THSD4: variants seen among roughly 807,000 people sequenced by gnomAD.
The protein encoded by THSD4 is thrombospondin type 1 domain containing 4.
Under a neutral mutation model 119.0 loss-of-function variants are expected in THSD4, and 69 were observed. The observed-to-expected ratio is 0.58, with a 90% CI of 0.48 to 0.71. The LOEUF is 0.71. Ranked by LOEUF, THSD4 falls within the 30% of genes least tolerant of loss-of-function variation. The pLI, the probability that THSD4 is intolerant of heterozygous loss-of-function variation, is 0.00. For missense variants in THSD4, 1,393 were observed against 1,391.1 expected (o/e 1.00, Z -0.02); for synonymous variants, 524 against 540.4 (o/e 0.97, Z 0.42).
At chr15:71,683,456 C>T (rs1177472915) in intron 8 of THSD4, among the ~76,000 whole-genome samples, 6 of 151,966 alleles carry the variant, frequency 3.9e-5, no homozygotes, top group African/African-American at 9.7e-5. Flanking sequence ...AAAATTCTAC[C>T]GGGGAAACTG....
intron 7 of THSD4, among the ~76,000 whole-genome samples, chr15:71,631,778 T>C (rs1221096407): frequency 6.6e-6 from 1 of 152,184 alleles, no homozygotes; most frequent in African/African-American, 2.4e-5. Flanking sequence ...ACCATTTTCC[T>C]CTAGGATACA....
chr15:71,377,616 G>C (rs995626169), intron 6 of THSD4, among the ~76,000 whole-genome samples: 32 of 152,144 alleles, frequency 2.1e-4, no homozygotes, highest in Admixed American at 5.9e-4. Context: ...AGGAGAAAGA[G>C]GGCGGGCGTG....
intron 6 of THSD4, among the ~76,000 whole-genome samples, chr15:71,263,068 A>T: frequency 6.6e-6 from 1 of 151,770 alleles, no homozygotes; most frequent in East Asian, 1.9e-4. Flanking sequence ...TCACCCAGTT[A>T]TTCAGCTTAG....
chr15:71,447,086 T>C (rs1242553006), intron 7 of THSD4, among the ~76,000 whole-genome samples: 1 of 148,620 alleles, frequency 6.7e-6, no homozygotes, highest in East Asian at 2.0e-4. Flanking sequence ...AACAACAGTG[T>C]CCTCTGTTGC....
intron 7 of THSD4, among the ~76,000 whole-genome samples, chr15:71,471,474 T>A (rs2047579075): frequency 6.6e-6 from 1 of 152,042 alleles, no homozygotes; most frequent in African/African-American, 2.4e-5. Flanking sequence ...GTCTTAAGGA[T>A]ACAGTGTGCC....
chr15:71,770,481 C>T (rs2053802230), intron 16 of THSD4, among the ~76,000 whole-genome samples: 1 of 151,770 alleles, frequency 6.6e-6, no homozygotes, highest in African/African-American at 2.4e-5. Context: ...ATGGCGAAAC[C>T]CCGTCTCTAC....
At chr15:71,096,914 G>T (rs568356801), upstream of THSD4, 1 of 152,176 alleles carries the variant, frequency 6.6e-6, no homozygotes, top group African/African-American at 2.4e-5. Context: ...CCTGCTGATC[G>T]AGACCAGATA....
intron 7 of THSD4, among the ~76,000 whole-genome samples, chr15:71,571,008 G>A (rs998423851): frequency 2.0e-5 from 3 of 152,180 alleles, no homozygotes; most frequent in East Asian, 1.9e-4. Context: ...CCTGCTTGGG[G>A]CTAGGGTGTG....
At chr15:71,314,990 T>C (rs1389050771) in intron 6 of THSD4, among the ~76,000 whole-genome samples, 1 of 152,204 alleles carries the variant, frequency 6.6e-6, no homozygotes. Flanking sequence ...AGGCTCATAG[T>C]TAATTCAAGC....
rs186578446 is a variant in THSD4 at position 71,392,303 on chromosome 15, G to A, written c.1016-19384G>A. Among the ~76,000 whole-genome samples the A allele has an allele frequency of 4.6e-5, 7 of 152,290 alleles. No individual in the cohort carries two copies. In the East Asian group the frequency reaches 1.4e-3, roughly 29 times the overall value. ...GGCATCTAGTTTCACGGGAGAAGAGGTTAACTTTTATTGAGTGCCTGTGCT... is the reference window on the plus strand; with the variant it reads ...GGCATCTAGTTTCACGGGAGAAGAGATTAACTTTTATTGAGTGCCTGTGCT... On this transcript the variant is annotated intron_variant, in intron 6 of 17. Transcript: ENST00000261862.
At position 71,482,154 on chromosome 15, in the gene THSD4, A is replaced by AC. The variant is rs2047739621; in HGVS notation, c.1152+70332dup. Among the ~76,000 whole-genome samples the AC allele has an allele frequency of 5.3e-5, 8 of 152,356 alleles. No homozygotes were observed. In the South Asian group the frequency reaches 1.7e-3, roughly 32 times the overall value. ...ATCATAACAAGAAGTCTGAAGGTAG[A>AC]CAGTAACTACAGTTGATTCAGTGGC... On this transcript the variant is annotated intron_variant, in intron 7 of 17. Transcript: ENST00000261862.
In THSD4 at chr15:71,688,432, C is replaced by A. The variant is rs111702563; in HGVS notation, c.1357+27698C>A. 7.4e-3 allele frequency among the ~76,000 whole-genome samples: 1,124 copies of A among 152,226 alleles called. 13 individuals carry two copies. The highest frequency in any genetic ancestry group is 0.026 in the African/African-American group (1,072 of 41,530). ...TTGTGTCCTAATTTTTTAAGAGACT[C>A]CGTATTCCATTTGATTCATAAAAAT... On this transcript the variant is annotated intron_variant, in intron 8 of 17. Coordinates refer to ENST00000261862, the MANE Select transcript of THSD4 (RefSeq NM_024817.3).
chr15:71,737,282 T>C (rs184091454), intron 10 of THSD4, among the ~76,000 whole-genome samples: 5 of 152,242 alleles, frequency 3.3e-5, no homozygotes, highest in Non-Finnish European at 5.9e-5. Context: ...TCCAAAACCA[T>C]GGATCTATTT....
chr15:71,503,492 C>A (rs1208774108), intron 7 of THSD4, among the ~76,000 whole-genome samples: 1 of 152,208 alleles, frequency 6.6e-6, no homozygotes, highest in Non-Finnish European at 1.5e-5. Flanking sequence ...GCTGTTCCAC[C>A]TTGGGATTCC....
At chr15:71,640,668 T>G (rs993722908) in intron 7 of THSD4, among the ~76,000 whole-genome samples, 1 of 152,172 alleles carries the variant, frequency 6.6e-6, no homozygotes, top group African/African-American at 2.4e-5. Context: ...TGATTTCTTC[T>G]TATTTTAAGT....
intron 7 of THSD4, among the ~76,000 whole-genome samples, chr15:71,492,662 G>A (rs1421962456): frequency 1.3e-5 from 2 of 151,998 alleles, no homozygotes; most frequent in Non-Finnish European, 2.9e-5. Context: ...CCTGAAAGAA[G>A]GAAGCTTCTA....
At chr15:71,396,003 G>A (rs962829575) in intron 6 of THSD4, among the ~76,000 whole-genome samples, 11 of 148,438 alleles carry the variant, frequency 7.4e-5, no homozygotes, top group Non-Finnish European at 1.5e-4. Context: ...GTCGGGATTC[G>A]CTGAGTGGAC....
At chr15:71,217,894 C>A (rs2043947640) in intron 4 of THSD4, among the ~76,000 whole-genome samples, 1 of 149,148 alleles carries the variant, frequency 6.7e-6, no homozygotes, top group Non-Finnish European at 1.5e-5. Context: ...TCAAATGATT[C>A]CTGTGCCTCA....
At position 71,403,370 on chromosome 15, in the gene THSD4, T is replaced by C. The variant is rs79132751; in HGVS notation, c.1016-8317T>C. 6.1e-3 allele frequency among the ~76,000 whole-genome samples: 926 copies of C among 152,316 alleles called. 5 individuals are homozygous for C. Among genetic ancestry groups the C allele is most frequent in the African/African-American group, 0.021 (884 of 41,560 alleles). Reference sequence around the variant, plus strand: ...TGAAATGGCTATGCCTCAAAAATTATAAGGCATTACTCAATTATTGTTCAG... The same window carrying C: ...TGAAATGGCTATGCCTCAAAAATTACAAGGCATTACTCAATTATTGTTCAG... On this transcript the variant is annotated intron_variant, in intron 6 of 17. Transcript: ENST00000261862.
Sources: allele counts gnomAD v4.1 joint callset (sites outside exome capture counted in the v4.1 genomes callset), GRCh38; gene constraint gnomAD v4.1.1; transcripts MANE v1.5; gene names NCBI Gene and HGNC (gene_info 2026-07-23, HGNC 2026-07-21).